The following SPAG16 variants were observed in gnomAD, a reference collection of about 807,000 sequenced individuals.
SPAG16 encodes sperm associated antigen 16.
SPAG16 carries 86 observed loss-of-function variants against 80.4 expected under a neutral mutation model. That is an observed-to-expected ratio of 1.07 (90% confidence interval 0.90 to 1.28). The LOEUF is 1.28. SPAG16 is among the 50% of genes most tolerant of loss of function. The pLI is 0.00. For missense variants in SPAG16, 870 were observed against 765.3 expected (o/e 1.14, Z -1.61); for synonymous variants, 294 against 265.9 (o/e 1.11, Z -1.03).
At chr2:213,855,142 A>G (rs752716159) in intron 10 of SPAG16, among the ~76,000 whole-genome samples, 4 of 152,238 alleles carry the variant, frequency 2.6e-5, no homozygotes, top group Non-Finnish European at 5.9e-5. Flanking sequence ...GAAAATAGCA[A>G]GTGACAATAG....
chr2:214,112,760 CTT>C (rs1444031559), intron 14 of SPAG16, among the ~76,000 whole-genome samples: 1 of 150,936 alleles, frequency 6.6e-6, no homozygotes, highest in Non-Finnish European at 1.5e-5. Context: ...ACTGATGGCT[CTT>C]GATTCTTTAT....
At chr2:213,788,614 C>A (rs955291515) in intron 10 of SPAG16, among the ~76,000 whole-genome samples, 3 of 151,790 alleles carry the variant, frequency 2.0e-5, no homozygotes, top group Admixed American at 2.0e-4. Context: ...TAAATTCTTC[C>A]CCTAGAGGAG....
intron 10 of SPAG16, among the ~76,000 whole-genome samples, chr2:213,537,445 G>A (rs1012762029): frequency 2.6e-5 from 4 of 151,434 alleles, no homozygotes; most frequent in Non-Finnish European, 5.9e-5. Flanking sequence ...ACATTGTTGT[G>A]TTATTTTATT....
At chr2:213,945,933 C>T (rs2079435688) in intron 12 of SPAG16, among the ~76,000 whole-genome samples, 1 of 152,128 alleles carries the variant, frequency 6.6e-6, no homozygotes, top group Non-Finnish European at 1.5e-5. Context: ...CTTTTTAGCC[C>T]TTTGTTTCTC....
chr2:214,316,725 T>C (rs1441147571), intron 15 of SPAG16, among the ~76,000 whole-genome samples: 1 of 152,192 alleles, frequency 6.6e-6, no homozygotes, highest in African/African-American at 2.4e-5. Context: ...ATTTTTTATC[T>C]AGGATATTTT....
intron 10 of SPAG16, among the ~76,000 whole-genome samples, chr2:213,831,751 G>A (rs1314931449): frequency 6.6e-6 from 1 of 151,632 alleles, no homozygotes; most frequent in Non-Finnish European, 1.5e-5. Context: ...GTTTGGTATT[G>A]TAATCATAAA....
chr2:213,706,286 A>C (rs1407363646), intron 10 of SPAG16, among the ~76,000 whole-genome samples: 4 of 152,176 alleles, frequency 2.6e-5, no homozygotes, highest in African/African-American at 4.8e-5. Flanking sequence ...CATTTGGCAA[A>C]GCTTTGAAGG....
rs990299221 is a variant in SPAG16 at position 213,851,433 on chromosome 2, A to G, written c.1071-11052A>G. ...CGAGGCAGGAGAATCACTTTAACCC[A>G]GTAGGCGGAGGTTGCAGTGAGCCAA... On this transcript the variant is annotated intron_variant, in intron 10 of 15. Transcript: ENST00000331683. 8.5e-5 allele frequency among the ~76,000 whole-genome samples: 13 copies of G among 152,312 alleles called. No individual in the cohort carries two copies. In the East Asian group the frequency reaches 2.5e-3, roughly 29 times the overall value.
chr2:214,309,931 A>T (rs1031679394), intron 15 of SPAG16, among the ~76,000 whole-genome samples: 1 of 152,104 alleles, frequency 6.6e-6, no homozygotes, highest in Non-Finnish European at 1.5e-5. Flanking sequence ...ACTAGAGGTG[A>T]TGTTGGCTGG....
In SPAG16 at chr2:213,724,789, A is replaced by G. The variant is rs1423643505; in HGVS notation, c.1071-137696A>G. Among the ~76,000 whole-genome samples, 7 of 129,378 alleles carry G rather than the reference A, an allele frequency of 5.4e-5. No individual in the cohort carries two copies. The East Asian group carries it at 1.4e-3, about 26-fold the overall frequency. 84.9% of individuals were successfully genotyped at this position (129,378 alleles called of 152,430 possible). A position where few individuals can be genotyped will look rare whatever the true frequency, so the allele number is the denominator to read the frequency against. ...GAGACTCTGTCTCAAAAAAAAAAAA[A>G]AAAAAAAAAAAAGAAAAAAGGATAA... is the stretch of plus-strand genomic sequence containing the variant. On this transcript the variant is annotated intron_variant, in intron 10 of 15. Coordinates refer to ENST00000331683, the MANE Select transcript of SPAG16 (RefSeq NM_024532.5).
chr2:213,903,669 C>T (rs1339452078), intron 11 of SPAG16, among the ~76,000 whole-genome samples: 12 of 152,174 alleles, frequency 7.9e-5, no homozygotes, highest in Admixed American at 7.9e-4. Flanking sequence ...ATTAATTCCG[C>T]TCCTTGTTAC....
At chr2:213,460,704 A>G (rs1195291152) in intron 9 of SPAG16, among the ~76,000 whole-genome samples, 1 of 152,206 alleles carries the variant, frequency 6.6e-6, no homozygotes, top group Non-Finnish European at 1.5e-5. Context: ...AGACTCTTTG[A>G]AAGGTATTAC....
intron 11 of SPAG16, among the ~76,000 whole-genome samples, chr2:213,879,545 T>C (rs1372605281): frequency 6.6e-6 from 1 of 152,006 alleles, no homozygotes; most frequent in African/African-American, 2.4e-5. Flanking sequence ...ACATAGGGAG[T>C]ACATGTGCAA....
intron 9 of SPAG16, among the ~76,000 whole-genome samples, chr2:213,470,716 A>G (rs750095248): frequency 2.0e-5 from 3 of 152,224 alleles, no homozygotes; most frequent in Non-Finnish European, 4.4e-5. Context: ...CCATTGGGCC[A>G]TGACAGGCTT....
chr2:213,833,549 A>T (rs369228875), intron 10 of SPAG16, among the ~76,000 whole-genome samples: 968 of 1,304 alleles, frequency 0.74, 377 homozygotes, highest in Admixed American at 0.88. Context: ...AATATATATA[A>T]TATATATAAT....
chr2:213,384,367 T>C (rs2067319939), intron 9 of SPAG16, among the ~76,000 whole-genome samples: 1 of 152,186 alleles, frequency 6.6e-6, no homozygotes, highest in Non-Finnish European at 1.5e-5. Context: ...TGGAATCTGT[T>C]AAATGACCAT....
rs566639139 is a variant in SPAG16, at chr2:213,550,407, A to G, written c.1070+60317A>G. ...ATATTTAAATATTTCTCCTTATCTTAGGATTTTCATCTTCAAGAAAATCTT... is the reference window on the plus strand; with the variant it reads ...ATATTTAAATATTTCTCCTTATCTTGGGATTTTCATCTTCAAGAAAATCTT... On this transcript the variant is annotated intron_variant, in intron 10 of 15. Coordinates refer to ENST00000331683, the MANE Select transcript of SPAG16 (RefSeq NM_024532.5). 4.6e-5 allele frequency among the ~76,000 whole-genome samples: 7 copies of G among 152,186 alleles called. No individual in the cohort carries two copies. In the South Asian group the frequency reaches 1.4e-3, roughly 31 times the overall value.
chr2:213,304,828 G>C (rs1483576630), intron 3 of SPAG16, among the ~76,000 whole-genome samples: 2 of 152,024 alleles, frequency 1.3e-5, no homozygotes, highest in Non-Finnish European at 2.9e-5. Flanking sequence ...TTTCCTTCTT[G>C]TTCAGGATAG....
rs1488927811 is a variant in SPAG16 at position 213,682,510 on chromosome 2, A to C, written c.1071-179975A>C. Among the ~76,000 whole-genome samples the C allele has an allele frequency of 2.0e-5, 3 of 152,248 alleles. No individual in the cohort carries two copies. In the South Asian group the frequency reaches 6.2e-4, roughly 31 times the overall value. On this transcript the variant is annotated intron_variant, in intron 10 of 15. Coordinates refer to ENST00000331683, the MANE Select transcript of SPAG16 (RefSeq NM_024532.5). ...TTTGGAGAATAAACCTGAGAGGGGCATCTGGCCAATTTTGGTCAGGAGCAT... is the reference window on the plus strand; with the variant it reads ...TTTGGAGAATAAACCTGAGAGGGGCCTCTGGCCAATTTTGGTCAGGAGCAT...
Sources: allele counts gnomAD v4.1 joint callset (sites outside exome capture counted in the v4.1 genomes callset), GRCh38; gene constraint gnomAD v4.1.1; transcripts MANE v1.5; gene names NCBI Gene and HGNC (gene_info 2026-07-23, HGNC 2026-07-21).